RCN2: variants seen among roughly 807,000 people sequenced by gnomAD.
RCN2 encodes reticulocalbin-2.
RCN2 carries 23 observed loss-of-function variants against 37.5 expected under a neutral mutation model. The ratio of observed to expected loss-of-function variants is 0.61; its 90% CI spans 0.44 to 0.87. RCN2 has a LOEUF of 0.87. RCN2 is among the 40% of genes least tolerant of loss of function. The pLI, the probability that RCN2 is intolerant of heterozygous loss-of-function variation, is 0.00. For missense variants in RCN2, 381 were observed against 390.4 expected (o/e 0.98, Z 0.20); for synonymous variants, 140 against 144.6 (o/e 0.97, Z 0.23).
At chr15:76,942,257 G>A (rs993487949) in intron 3 of RCN2, 1 of 152,186 alleles carries the variant, frequency 6.6e-6, no homozygotes, top group Non-Finnish European at 1.5e-5. Context: ...GAAGACTGAA[G>A]AGGGTATTTT....
At chr15:76,948,340 A>T in intron 5 of RCN2, 70 bp from the exon 6 acceptor site, 2 of 1,084,524 alleles carry the variant, frequency 1.8e-6, no homozygotes, top group Non-Finnish European at 2.6e-6. Context: ...TATTCTAGGG[A>T]TATACCAAAC....
rs1269695240 is a variant in RCN2, at chr15:76,953,625, T to A, written c.*4403T>A. On this transcript the variant is annotated 3_prime_UTR_variant, in exon 7 of 7. Transcript: ENST00000394885. The stretch of plus-strand genomic sequence containing the variant: ...TTTTTTTTTTTTTTTTTTTTTTTTT[T>A]GAGACGGAGTCTCGCTCTGTCGCCC... The A allele has an allele frequency of 8.5e-6, 1 of 117,766 alleles. No individual in the cohort carries two copies. 7.3% of individuals were successfully genotyped at this position (117,766 alleles called of 1,614,324 possible).
At chr15:76,934,873 A>AT (rs1247540767) in intron 2 of RCN2, among the ~76,000 whole-genome samples, 1 of 152,066 alleles carries the variant, frequency 6.6e-6, no homozygotes, top group East Asian at 1.9e-4. Flanking sequence ...TTTGGATAAC[A>AT]TTTTTTTTAA....
chr15:76,946,259 C>G (rs2075296245), intron 4 of RCN2, among the ~76,000 whole-genome samples: 1 of 152,026 alleles, frequency 6.6e-6, no homozygotes, highest in South Asian at 2.1e-4. Flanking sequence ...AGTTCAAGAC[C>G]AGCCTGGACA....
At chr15:76,944,834 A>T (rs973725869) in intron 4 of RCN2, among the ~76,000 whole-genome samples, 3 of 152,240 alleles carry the variant, frequency 2.0e-5, no homozygotes, top group African/African-American at 7.2e-5. Context: ...TGCTACAACA[A>T]ACATGGGAGT....
intron 3 of RCN2, 41 bp downstream of exon 3, chr15:76,935,763 G>A: frequency 6.7e-7 from 1 of 1,498,698 alleles, no homozygotes. Context: ...GATCATGTCA[G>A]TTCACTTTAC....
chr15:76,940,391 C>T (rs138915016), intron 3 of RCN2, among the ~76,000 whole-genome samples: 11 of 151,284 alleles, frequency 7.3e-5, no homozygotes, highest in Admixed American at 1.3e-4. Flanking sequence ...TAAAAAATAA[C>T]GGATGAGGAA....
At chr15:76,940,783 A>T (rs988759506) in intron 3 of RCN2, among the ~76,000 whole-genome samples, 1 of 151,916 alleles carries the variant, frequency 6.6e-6, no homozygotes, top group African/African-American at 2.4e-5. Flanking sequence ...GCTGGTCTCA[A>T]ACTCCTGACC....
Position 76,949,300 on chromosome 15 carries a change from T to C in RCN2, c.*78T>C. 1 of 1,029,412 alleles carries C rather than the reference T, an allele frequency of 9.7e-7. No homozygotes were observed. The highest frequency in any genetic ancestry group is 1.4e-6 in the Non-Finnish European group (1 of 740,558). 63.8% of individuals were successfully genotyped at this position (1,029,412 alleles called of 1,614,324 possible). ...CTTTACTTTTGTGATAAAATATTGA[T>C]GTTGTATTTTACACTCTTAAGTCTT... is the stretch of plus-strand genomic sequence containing the variant. On this transcript the variant is annotated 3_prime_UTR_variant, in exon 7 of 7. Transcript: ENST00000394885.
At chr15:76,947,982 A>G (rs1212388193) in intron 5 of RCN2, 4 of 162,376 alleles carry the variant, frequency 2.5e-5, no homozygotes, top group Non-Finnish European at 5.3e-5. Flanking sequence ...TTGCTTAAAG[A>G]CACCAAACAA....
In RCN2 at chr15:76,946,448, T is replaced by TA. The variant is rs762197288; in HGVS notation, c.562-962dup. 7.2e-3 allele frequency among the ~76,000 whole-genome samples: 1,018 copies of TA among 140,944 alleles called. 3 individuals carry two copies. The highest frequency in any genetic ancestry group is 9.6e-3 in the Non-Finnish European group (621 of 64,592). 92.5% of individuals were successfully genotyped at this position (140,944 alleles called of 152,430 possible). On this transcript the variant is annotated intron_variant, in intron 4 of 6. Coordinates refer to ENST00000394885, the MANE Select transcript of RCN2 (RefSeq NM_002902.3). ...TGGGTGACAGAATGAGATCCTATGT[T>TA]AAAAAAAAAAAGAAGGGGGAGGGCT...
Position 76,931,867 on chromosome 15 carries a change from C to T in RCN2, c.26C>T (p.Ala9Val), listed in dbSNP as rs1338719653. ...ATGCGGCTGGGCCCGAGGACCGCGGCGTTGGGGCTGCTGCTGCTGTGCGCC... is the reference window on the plus strand; with the variant it reads ...ATGCGGCTGGGCCCGAGGACCGCGGTGTTGGGGCTGCTGCTGCTGTGCGCC... Reference protein sequence around the residue: MRLGPRTAALGLLLLCAAA... With the variant: MRLGPRTAVLGLLLLCAAA... Residue 9 changes from alanine (A) to valine (V), a missense_variant, in exon 1 of 7, where the codon GCG (alanine) becomes GTG (valine). Coordinates refer to ENST00000394885, the MANE Select transcript of RCN2 (RefSeq NM_002902.3). 2 of 1,297,014 alleles carry T rather than the reference C, an allele frequency of 1.5e-6. No homozygotes were observed. Among genetic ancestry groups the T allele is most frequent in the Non-Finnish European group, 2.0e-6 (2 of 1,023,056 alleles). The allele number at this position is 1,297,014 out of a possible 1,614,324, so 80.3% of individuals were successfully genotyped here.
At position 76,938,526 on chromosome 15, in the gene RCN2, C is replaced by T. The variant is rs551369493; in HGVS notation, c.447+2804C>T. Among the ~76,000 whole-genome samples, 9 of 152,254 alleles carry T rather than the reference C, an allele frequency of 5.9e-5. No homozygotes were observed. The South Asian group carries it at 1.9e-3, about 32-fold the overall frequency. On this transcript the variant is annotated intron_variant, in intron 3 of 6. Transcript: ENST00000394885. The stretch of plus-strand genomic sequence containing the variant: ...GTGTACCATTCAGTAGTGTTAAGTA[C>T]ATTCACAGTGTTGTGCAGCTAATCC...
chr15:76,937,675 T>G (rs2075258184), intron 3 of RCN2, among the ~76,000 whole-genome samples: 1 of 152,188 alleles, frequency 6.6e-6, no homozygotes, highest in Admixed American at 6.5e-5. Context: ...CCCAAAGTGC[T>G]AGGATTACAG....
At chr15:76,944,175 A>G (rs2075287810) in intron 4 of RCN2, among the ~76,000 whole-genome samples, 1 of 151,786 alleles carries the variant, frequency 6.6e-6, no homozygotes, top group Admixed American at 6.6e-5. Flanking sequence ...TTGTATTTTC[A>G]GTAGAGACGG....
In RCN2 at chr15:76,953,593, A is replaced by ATT. The variant is rs71143379; in HGVS notation, c.*4402_*4403dup. The ATT allele has an allele frequency of 5.9e-3, 58 of 9,838 alleles. 7 individuals are homozygous for ATT. Among genetic ancestry groups the ATT allele is most frequent in the Non-Finnish European group, 7.6e-3 (40 of 5,278 alleles). The allele number at this position is 9,838 out of a possible 1,614,324, so 0.6% of individuals were successfully genotyped here. A position where few individuals can be genotyped will look rare whatever the true frequency, so the allele number is the denominator to read the frequency against. Reference sequence around the variant, plus strand: ...TATATATATATATATATATATATATATTTTTTTTTTTTTTTTTTTTTTTTT... The same window carrying ATT: ...TATATATATATATATATATATATATATTTTTTTTTTTTTTTTTTTTTTTTTTT... On this transcript the variant is annotated 3_prime_UTR_variant, in exon 7 of 7. Coordinates refer to ENST00000394885, the MANE Select transcript of RCN2 (RefSeq NM_002902.3).
Position 76,953,586 on chromosome 15 carries a change from TATA to T in RCN2, c.*4365_*4367del, listed in dbSNP as rs2075333047. 15 of 23,456 alleles carry T rather than the reference TATA, an allele frequency of 6.4e-4. No homozygotes were observed. Among genetic ancestry groups the T allele is most frequent in the Non-Finnish European group, 1.2e-3 (14 of 11,328 alleles). 1.5% of individuals were successfully genotyped at this position (23,456 alleles called of 1,614,324 possible). A position where few individuals can be genotyped will look rare whatever the true frequency, so the allele number is the denominator to read the frequency against. ...ATATATATATATATATATATATATATATATATATTTTTTTTTTTTTTTTTTTTT... is the reference window on the plus strand; with the variant it reads ...ATATATATATATATATATATATATATTATATTTTTTTTTTTTTTTTTTTTT... On this transcript the variant is annotated 3_prime_UTR_variant, in exon 7 of 7. Coordinates refer to ENST00000394885, the MANE Select transcript of RCN2 (RefSeq NM_002902.3).
chr15:76,937,789 T>G (rs550166160), intron 3 of RCN2, among the ~76,000 whole-genome samples: 41 of 152,302 alleles, frequency 2.7e-4, no homozygotes, highest in African/African-American at 8.2e-4. Context: ...AATATATGCT[T>G]CTTAAGCAGA....
At chr15:76,934,121 T>G (rs994774123) in intron 2 of RCN2, among the ~76,000 whole-genome samples, 6 of 152,130 alleles carry the variant, frequency 3.9e-5, no homozygotes, top group African/African-American at 1.4e-4. Context: ...TAACGTAGTT[T>G]AGTAAATATT....
Sources: allele counts gnomAD v4.1 joint callset (sites outside exome capture counted in the v4.1 genomes callset), GRCh38; gene constraint gnomAD v4.1.1; transcripts MANE v1.5; gene names NCBI Gene and HGNC (gene_info 2026-07-23, HGNC 2026-07-21).